Variants in ADAMTS18 observed in about 807,000 individuals in gnomAD.
ADAMTS18 encodes the protein ADAM metallopeptidase with thrombospondin type 1 motif 18, also known as A disintegrin and metalloproteinase with thrombospondin motifs 18.
ADAMTS18 carries 157 observed loss-of-function variants against 165.9 expected under a neutral mutation model. The observed-to-expected ratio is 0.95, with a 90% CI of 0.83 to 1.08. ADAMTS18 has a LOEUF of 1.08. ADAMTS18 is among the 50% of genes least tolerant of loss of function. ADAMTS18 has a pLI of 0.00. For synonymous variants in ADAMTS18, 782 were observed against 578.2 expected, an observed-to-expected ratio of 1.35 and a Z score of -5.06; for missense variants, 2,040 against 1,534.0, an observed-to-expected ratio of 1.33 and a Z score of -5.51.
At position 77,377,804 on chromosome 16, in the gene ADAMTS18, A is replaced by C. The variant is rs556858179; in HGVS notation, c.496-10081T>G. On this transcript the variant is annotated intron_variant, in intron 3 of 22. Transcript: ENST00000282849. Reference sequence around the variant, plus strand: ...ATCTAAGCAAGAACACTAAAGAGTAAGTCATTGATTTGTTGCCCAACATGT... The same window carrying C: ...ATCTAAGCAAGAACACTAAAGAGTACGTCATTGATTTGTTGCCCAACATGT... 6.6e-4 allele frequency among the ~76,000 whole-genome samples: 100 copies of C among 152,364 alleles called. 3 individuals carry two copies. In the South Asian group the frequency reaches 0.021, roughly 31 times the overall value.
chr16:77,284,196 G>A (rs550442144), intron 22 of ADAMTS18, 125 bp from the exon 23 acceptor site: 25 of 642,296 alleles, frequency 3.9e-5, no homozygotes, highest in Admixed American at 7.2e-5. Context: ...TGTGATCTCC[G>A]CTCACTGCAA....
At chr16:77,428,386 T>G (rs1487423512) in intron 3 of ADAMTS18, among the ~76,000 whole-genome samples, 1 of 152,182 alleles carries the variant, frequency 6.6e-6, no homozygotes, top group Non-Finnish European at 1.5e-5. Flanking sequence ...CCAAAGAAGC[T>G]GAGCAATGTC....
chr16:77,395,778 T>G lies in ADAMTS18; in HGVS notation c.496-28055A>C, dbSNP rs576788887. On this transcript the variant is annotated intron_variant, in intron 3 of 22. Transcript: ENST00000282849. ...AATAGTAATAATGAAAGGATGGAAA[T>G]AGACAATGGCAATAAGACCCTCGAG... Among the ~76,000 whole-genome samples the G allele has an allele frequency of 4.6e-5, 7 of 152,230 alleles. No homozygotes were observed. The South Asian group carries it at 1.5e-3, about 32-fold the overall frequency.
chr16:77,367,073 G>C (rs2056805894), intron 4 of ADAMTS18, among the ~76,000 whole-genome samples: 1 of 152,026 alleles, frequency 6.6e-6, no homozygotes, highest in Admixed American at 6.6e-5. Context: ...TCTTGTTTCT[G>C]GAAGTCTCTC....
rs183622474 is a variant in ADAMTS18, at chr16:77,294,995, G to C, written c.2934C>G (p.Ser978Arg). 2 of 1,614,142 alleles carry C rather than the reference G, an allele frequency of 1.2e-6. No individual in the cohort carries two copies. The highest frequency in any genetic ancestry group is 8.5e-7 in the Non-Finnish European group (1 of 1,180,020). ...TGCAGGCTTGGACCTGAGTGGGTGT[G>C]CTCACTGGACAGAGAGAATGCAACA... The part of the protein sequence containing the change: ...EAVLHSLCPV[S>R]TPTQVQACNS... The change falls in exon 19 of 23, where the codon AGC (serine) becomes AGG (arginine). Residue 978 changes from serine to arginine, a missense_variant. By Grantham distance (110) the Ser-to-Arg change is moderately radical (BLOSUM62 -1). Transcript: ENST00000282849.
intron 9 of ADAMTS18, among the ~76,000 whole-genome samples, chr16:77,354,864 T>C (rs987844224): frequency 1.6e-4 from 24 of 152,208 alleles, no homozygotes; most frequent in East Asian, 9.6e-4. Context: ...TACTTATTAA[T>C]TGCATTCTTA....
intron 20 of ADAMTS18, 56 bp from the exon 21 acceptor site, chr16:77,291,534 G>A (rs2144565867): frequency 6.4e-7 from 1 of 1,558,040 alleles, no homozygotes; most frequent in Non-Finnish European, 8.8e-7. Context: ...ACATCTTCTG[G>A]ACAGAGGCAG....
intron 11 of ADAMTS18, among the ~76,000 whole-genome samples, chr16:77,340,993 C>T (rs1318087567): frequency 6.6e-6 from 1 of 152,176 alleles, no homozygotes; most frequent in Admixed American, 6.5e-5. Flanking sequence ...TTCATAGCTC[C>T]TCTTTGATTG....
At chr16:77,386,562 C>T (rs1440498036) in intron 3 of ADAMTS18, among the ~76,000 whole-genome samples, 1 of 152,178 alleles carries the variant, frequency 6.6e-6, no homozygotes, top group Admixed American at 6.5e-5. Context: ...CATAAGCTCT[C>T]CAGTTCATCA....
At chr16:77,302,817 G>A (rs1339568398) in intron 16 of ADAMTS18, among the ~76,000 whole-genome samples, 1 of 152,080 alleles carries the variant, frequency 6.6e-6, no homozygotes, top group Non-Finnish European at 1.5e-5. Flanking sequence ...GCCATACATG[G>A]CCTGTGGTTT....
rs561047011 is a variant in ADAMTS18 at position 77,286,514 on chromosome 16, G to GAAGT, written c.3551-2447_3551-2444dup. Among the ~76,000 whole-genome samples the GAAGT allele has an allele frequency of 9.9e-5, 15 of 152,168 alleles. No individual in the cohort carries two copies. In the South Asian group the frequency reaches 2.5e-3, roughly 25 times the overall value. ...TCTTTAATACTCAAAACAGTCTTTC[G>GAAGT]AAGTAAGCATTATTTCCCAGTTTTA... On this transcript the variant is annotated intron_variant, in intron 22 of 22. Transcript: ENST00000282849.
At chr16:77,357,201 C>A (rs1443572410) in intron 8 of ADAMTS18, among the ~76,000 whole-genome samples, 1 of 151,888 alleles carries the variant, frequency 6.6e-6, no homozygotes, top group East Asian at 1.9e-4. Context: ...GTAGTCTATA[C>A]CAAATAAATA....
intron 3 of ADAMTS18, among the ~76,000 whole-genome samples, chr16:77,379,663 T>C (rs952810805): frequency 1.4e-4 from 22 of 152,226 alleles, no homozygotes; most frequent in African/African-American, 5.1e-4. Flanking sequence ...TAATATTTTG[T>C]ATTTTTTGGT....
At chr16:77,431,072 A>G (rs978433687) in intron 3 of ADAMTS18, among the ~76,000 whole-genome samples, 12 of 152,248 alleles carry the variant, frequency 7.9e-5, no homozygotes, top group African/African-American at 2.9e-4. Flanking sequence ...GTCCCAGACC[A>G]TTAAACATCA....
chr16:77,409,373 G>A (rs1409121526), intron 3 of ADAMTS18, among the ~76,000 whole-genome samples: 16 of 152,072 alleles, frequency 1.1e-4, no homozygotes, highest in South Asian at 2.1e-4. Context: ...AACAGACACC[G>A]AAGAAAATAG....
intron 12 of ADAMTS18, among the ~76,000 whole-genome samples, chr16:77,329,846 T>C (rs749064194): frequency 5.9e-5 from 9 of 152,082 alleles, no homozygotes; most frequent in Non-Finnish European, 1.0e-4. Context: ...AATATAGAAA[T>C]AGAAAACAAA....
chr16:77,355,024 T>C (rs2056607498), intron 9 of ADAMTS18, among the ~76,000 whole-genome samples: 2 of 152,192 alleles, frequency 1.3e-5, no homozygotes, highest in African/African-American at 2.4e-5. Context: ...TTTAATATGC[T>C]TTGTGTATAG....
chr16:77,350,011 C>G (rs897503240), intron 10 of ADAMTS18, among the ~76,000 whole-genome samples: 1 of 152,196 alleles, frequency 6.6e-6, no homozygotes, highest in Non-Finnish European at 1.5e-5. Context: ...CTGCTCACTT[C>G]TAGCTTAGTA....
chr16:77,385,523 G>A (rs1456070722), intron 3 of ADAMTS18, among the ~76,000 whole-genome samples: 1 of 152,160 alleles, frequency 6.6e-6, no homozygotes, highest in Non-Finnish European at 1.5e-5. Flanking sequence ...CTATCAGAAA[G>A]ACACGTGTTT....
Sources: gnomAD v4.1 joint callset for allele counts (sites outside exome capture counted in the v4.1 genomes callset) on GRCh38, gnomAD v4.1.1 for gene constraint, MANE v1.5 for transcripts, NCBI Gene and HGNC (gene_info 2026-07-23, HGNC 2026-07-21) for gene names.